TNNI3K: variants seen among roughly 807,000 people sequenced by gnomAD.
The protein encoded by TNNI3K is serine/threonine-protein kinase TNNI3K.
In TNNI3K, 140 loss-of-function variants were observed where a neutral mutation model predicts 114.5. The observed-to-expected ratio is 1.22, with a 90% confidence interval of 1.07 to 1.41. The LOEUF is 1.41. Among genes scored for constraint, TNNI3K ranks in the 40% most tolerant of loss-of-function variants. TNNI3K has a pLI of 0.00. For missense variants in TNNI3K, 1,125 were observed against 1,007.6 expected, an observed-to-expected ratio of 1.12 and a Z score of -1.58; for synonymous variants, 347 against 347.5, an observed-to-expected ratio of 1.00 and a Z score of 0.02.
intron 17 of TNNI3K, among the ~76,000 whole-genome samples, chr1:74,389,072 C>T (rs192871006): frequency 2.2e-4 from 34 of 152,290 alleles, no homozygotes; most frequent in African/African-American, 4.3e-4. Context: ...TGCAAGGGAA[C>T]AGACCACAGA....
intron 23 of TNNI3K, among the ~76,000 whole-genome samples, chr1:74,525,846 G>A (rs1369142314): frequency 1.3e-5 from 2 of 152,174 alleles, no homozygotes; most frequent in African/African-American, 4.8e-5. Context: ...AGGCATCACA[G>A]CACATCACAC....
intron 5 of TNNI3K, among the ~76,000 whole-genome samples, chr1:74,314,984 G>C (rs574940867): frequency 4.0e-4 from 61 of 152,178 alleles, no homozygotes; most frequent in Non-Finnish European, 2.8e-4. Flanking sequence ...AAAAAATCAT[G>C]AAATGCCTCT....
chr1:74,391,312 G>C (rs1663758878), intron 17 of TNNI3K, among the ~76,000 whole-genome samples: 1 of 152,190 alleles, frequency 6.6e-6, no homozygotes, highest in Admixed American at 6.5e-5. Context: ...GAGAGCAGTT[G>C]GGAATCTATG....
intron 11 of TNNI3K, among the ~76,000 whole-genome samples, chr1:74,364,779 A>G (rs775624836): frequency 2.0e-5 from 3 of 152,024 alleles, no homozygotes; most frequent in Non-Finnish European, 4.4e-5. Context: ...AAGCAATAGG[A>G]AGGGGGCTAC....
intron 23 of TNNI3K, among the ~76,000 whole-genome samples, chr1:74,496,777 T>C (rs1357662328): frequency 6.6e-6 from 1 of 152,134 alleles, no homozygotes; most frequent in Non-Finnish European, 1.5e-5. Context: ...ATTTTGTGCC[T>C]CTAGATATAT....
chr1:74,451,467 A>G (rs993445242), intron 20 of TNNI3K, among the ~76,000 whole-genome samples: 4 of 152,102 alleles, frequency 2.6e-5, no homozygotes, highest in Admixed American at 1.3e-4. Flanking sequence ...AATAAATTTT[A>G]TTGCAATCTA....
At chr1:74,540,623 T>A (rs1646715747) in intron 24 of TNNI3K, among the ~76,000 whole-genome samples, 1 of 147,836 alleles carries the variant, frequency 6.8e-6, no homozygotes, top group South Asian at 2.2e-4. Context: ...AAAAAAAAAC[T>A]CCTTCCTCTC....
chr1:74,462,134 A>G (rs908863101), intron 20 of TNNI3K, among the ~76,000 whole-genome samples: 11 of 152,220 alleles, frequency 7.2e-5, no homozygotes, highest in Non-Finnish European at 1.6e-4. Context: ...AATTTTTTAA[A>G]CTTCTACAAG....
At chr1:74,425,260 C>T (rs1025918388) in intron 17 of TNNI3K, among the ~76,000 whole-genome samples, 20 of 152,076 alleles carry the variant, frequency 1.3e-4, no homozygotes, top group African/African-American at 3.4e-4. Context: ...AAAGCTGTGT[C>T]CTGCACAATA....
At chr1:74,425,326 G>A (rs957921877) in intron 17 of TNNI3K, among the ~76,000 whole-genome samples, 1 of 152,022 alleles carries the variant, frequency 6.6e-6, no homozygotes, top group Non-Finnish European at 1.5e-5. Context: ...TTGAGTAAAT[G>A]TTGAATATAT....
chr1:74,403,271 T>C (rs1201750822), intron 17 of TNNI3K, among the ~76,000 whole-genome samples: 2 of 152,172 alleles, frequency 1.3e-5, no homozygotes, highest in African/African-American at 4.8e-5. Context: ...AAATATTTTA[T>C]ACAGTTCCTC....
At chr1:74,505,895 G>T (rs989293631) in intron 23 of TNNI3K, among the ~76,000 whole-genome samples, 1 of 152,144 alleles carries the variant, frequency 6.6e-6, no homozygotes, top group African/African-American at 2.4e-5. Flanking sequence ...ATGTTTTAAA[G>T]GCCTCATCTG....
intron 17 of TNNI3K, among the ~76,000 whole-genome samples, chr1:74,391,128 A>G (rs1218756713): frequency 6.6e-6 from 1 of 152,226 alleles, no homozygotes; most frequent in African/African-American, 2.4e-5. Context: ...GAGATGTTTA[A>G]GCAAGAGAGA....
intron 4 of TNNI3K, among the ~76,000 whole-genome samples, chr1:74,264,037 C>T (rs929222795): frequency 6.6e-6 from 1 of 151,548 alleles, no homozygotes; most frequent in Admixed American, 6.6e-5. Flanking sequence ...TTGGAGGCAG[C>T]CTGCAGGAAT....
At position 74,259,123 on chromosome 1, in the gene TNNI3K, GATCT is replaced by G. The variant is rs533254341; in HGVS notation, c.333+8376_333+8379del. Among the ~76,000 whole-genome samples the G allele has an allele frequency of 5.9e-3, 896 of 152,106 alleles. 9 individuals carry two copies. The highest frequency in any genetic ancestry group is 0.019 in the African/African-American group (802 of 41,494). On this transcript the variant is annotated intron_variant, in intron 4 of 24. Transcript: ENST00000326637. ...AGAAATTTAACCAATAGGATTAATG[GATCT>G]ATCTATCTATCTATCTATCTAATCT...
intron 4 of TNNI3K, among the ~76,000 whole-genome samples, chr1:74,265,865 C>G (rs1362425520): frequency 1.3e-5 from 2 of 149,846 alleles, no homozygotes; most frequent in South Asian, 4.3e-4. Flanking sequence ...TGTGCTCCAT[C>G]TGGTTGCACA....
intron 2 of TNNI3K, among the ~76,000 whole-genome samples, chr1:74,245,514 C>T (rs1654497676): frequency 1.3e-5 from 2 of 152,142 alleles, no homozygotes; most frequent in Non-Finnish European, 2.9e-5. Context: ...CAAGCTGCCT[C>T]CTGCCTATTT....
intron 5 of TNNI3K, among the ~76,000 whole-genome samples, chr1:74,331,193 GA>G (rs45515194): frequency 0.016 from 2,428 of 152,276 alleles, 67 homozygotes; most frequent in African/African-American, 0.056. Context: ...TTGGGTTTAG[GA>G]AAGAGACTAA....
Position 74,488,860 on chromosome 1 carries a change from G to A in TNNI3K, c.2122-329G>A, listed in dbSNP as rs578245604. On this transcript the variant is annotated intron_variant, in intron 21 of 24. Transcript: ENST00000326637. Reference sequence around the variant, plus strand: ...TTACAAGGCACTGAGATAGTTAATAGTTTTTAGTATTCACTATTATTCTTT... The same window carrying A: ...TTACAAGGCACTGAGATAGTTAATAATTTTTAGTATTCACTATTATTCTTT... 9.6e-4 allele frequency among the ~76,000 whole-genome samples: 146 copies of A among 152,262 alleles called. 1 individual carries two copies. Among genetic ancestry groups the A allele is most frequent in the African/African-American group, 3.2e-3 (134 of 41,554 alleles).
Sources: gnomAD v4.1 joint callset for allele counts (sites outside exome capture counted in the v4.1 genomes callset) on GRCh38, gnomAD v4.1.1 for gene constraint, MANE v1.5 for transcripts, NCBI Gene and HGNC (gene_info 2026-07-23, HGNC 2026-07-21) for gene names.